LTBP1: variants seen among roughly 807,000 people sequenced by gnomAD.
LTBP1 encodes latent transforming growth factor beta binding protein 1.
In LTBP1, 129 loss-of-function variants were observed where a neutral mutation model predicts 207.6. The ratio of observed to expected loss-of-function variants is 0.62; its 90% CI spans 0.54 to 0.72. The LOEUF (loss-of-function observed/expected upper bound fraction) is 0.72. Among genes scored for constraint, LTBP1 ranks in the 30% least tolerant of loss-of-function variants. The probability of loss-of-function intolerance (pLI) is 0.00; values close to 1 mark genes in which losing one functional copy is unlikely to be tolerated. For missense variants in LTBP1, 2,281 were observed against 2,217.2 expected (o/e 1.03, Z -0.58); for synonymous variants, 963 against 833.7 (o/e 1.16, Z -2.67).
At chr2:33,261,864 A>G (rs982753184) in intron 13 of LTBP1, among the ~76,000 whole-genome samples, 2 of 152,246 alleles carry the variant, frequency 1.3e-5, no homozygotes, top group Non-Finnish European at 2.9e-5. Flanking sequence ...GGAGAAGAGG[A>G]TAAGAGGTTA....
intron 10 of LTBP1, among the ~76,000 whole-genome samples, chr2:33,244,882 A>ATCTG (rs1273909000): frequency 1.3e-5 from 2 of 151,382 alleles, no homozygotes; most frequent in African/African-American, 4.9e-5. Context: ...CTATCTATCT[A>ATCTG]TCTATTTATT....
intron 3 of LTBP1, among the ~76,000 whole-genome samples, chr2:33,060,282 G>T (rs2077200757): frequency 6.6e-6 from 1 of 152,162 alleles, no homozygotes. Context: ...AATGACAGTT[G>T]TGTTATGGAT....
intron 3 of LTBP1, among the ~76,000 whole-genome samples, chr2:33,028,366 A>G (rs554991460): frequency 5.3e-5 from 8 of 152,274 alleles, no homozygotes; most frequent in Admixed American, 5.2e-4. Flanking sequence ...GTCTCATTTA[A>G]TCTCTTCAAA....
chr2:33,201,648 A>C (rs1378975254), intron 7 of LTBP1, among the ~76,000 whole-genome samples: 3 of 151,522 alleles, frequency 2.0e-5, no homozygotes, highest in Non-Finnish European at 4.4e-5. Context: ...AAAAAAGAAG[A>C]AGAAAAAAAA....
chr2:32,984,252 A>T (rs1220114773), intron 2 of LTBP1, among the ~76,000 whole-genome samples: 1 of 152,146 alleles, frequency 6.6e-6, no homozygotes, highest in Non-Finnish European at 1.5e-5. Context: ...ATCTCATTCG[A>T]CTTCTGATAC....
chr2:33,177,000 C>G (rs527444331), intron 5 of LTBP1, among the ~76,000 whole-genome samples: 1 of 152,118 alleles, frequency 6.6e-6, no homozygotes, highest in Non-Finnish European at 1.5e-5. Context: ...GCCATATGAG[C>G]TGGATACAAT....
chr2:33,165,612 T>C (rs2084845162), intron 5 of LTBP1, among the ~76,000 whole-genome samples: 1 of 152,236 alleles, frequency 6.6e-6, no homozygotes, highest in Non-Finnish European at 1.5e-5. Context: ...TGTCTCCCAG[T>C]ATGGGGACCT....
chr2:33,157,007 A>AT (rs1393269865), intron 5 of LTBP1, among the ~76,000 whole-genome samples: 1 of 152,210 alleles, frequency 6.6e-6, no homozygotes, highest in African/African-American at 2.4e-5. Context: ...CAAATGACAG[A>AT]TTTTACACAC....
intron 2 of LTBP1, among the ~76,000 whole-genome samples, chr2:32,990,248 T>C (rs1684202650): frequency 6.6e-6 from 1 of 152,180 alleles, no homozygotes; most frequent in Non-Finnish European, 1.5e-5. Flanking sequence ...GCTCGTAAAC[T>C]CTCTTGTCTA....
At chr2:33,101,951 T>C (rs1291079612) in intron 3 of LTBP1, among the ~76,000 whole-genome samples, 1 of 152,196 alleles carries the variant, frequency 6.6e-6, no homozygotes, top group Non-Finnish European at 1.5e-5. Context: ...GCAGATAGGA[T>C]ATCTGCTTTT....
At chr2:33,111,948 G>A (rs1017395372) in intron 4 of LTBP1, among the ~76,000 whole-genome samples, 4 of 152,162 alleles carry the variant, frequency 2.6e-5, no homozygotes, top group Middle Eastern at 3.4e-3. Flanking sequence ...TTTGATATTC[G>A]TACTTAAAGA....
At chr2:33,349,150 A>G (rs889037701) in intron 26 of LTBP1, among the ~76,000 whole-genome samples, 1 of 152,218 alleles carries the variant, frequency 6.6e-6, no homozygotes, top group African/African-American at 2.4e-5. Flanking sequence ...TTTTTAACTC[A>G]AAGGATATAA....
chr2:32,983,281 C>G (rs534026195), intron 2 of LTBP1, among the ~76,000 whole-genome samples: 1 of 152,170 alleles, frequency 6.6e-6, no homozygotes, highest in Non-Finnish European at 1.5e-5. Flanking sequence ...GCTAATTTCT[C>G]CCATTTGAAA....
At chr2:33,212,016 T>A (rs17012674) in intron 7 of LTBP1, among the ~76,000 whole-genome samples, 12,140 of 152,276 alleles carry the variant, frequency 0.08, 1,094 homozygotes, top group African/African-American at 0.22. Context: ...TACATTACCC[T>A]GCAATCTGTA....
At chr2:33,204,479 C>A (rs1404306278) in intron 7 of LTBP1, among the ~76,000 whole-genome samples, 1 of 152,218 alleles carries the variant, frequency 6.6e-6, no homozygotes, top group Non-Finnish European at 1.5e-5. Context: ...CCAAGATGAT[C>A]ACTTTGCAGA....
intron 25 of LTBP1, 99 bp downstream of exon 25, chr2:33,343,062 GC>G: frequency 7.5e-7 from 1 of 1,330,402 alleles, no homozygotes; most frequent in Admixed American, 2.6e-5. Context: ...TTTGGGTAGA[GC>G]TTTATCGTAA....
chr2:33,023,351 G>A (rs888925332), intron 3 of LTBP1, among the ~76,000 whole-genome samples: 12 of 152,098 alleles, frequency 7.9e-5, no homozygotes, highest in African/African-American at 2.7e-4. Context: ...ACCGTATGTC[G>A]GATGTCAGAT....
At chr2:33,344,587 G>C (rs1168056989) in intron 25 of LTBP1, among the ~76,000 whole-genome samples, 2 of 152,122 alleles carry the variant, frequency 1.3e-5, no homozygotes, top group Non-Finnish European at 2.9e-5. Flanking sequence ...TCATCTTCCA[G>C]ACACCATCCC....
intron 3 of LTBP1, among the ~76,000 whole-genome samples, chr2:33,038,717 A>G (rs2076041729): frequency 6.6e-6 from 1 of 152,228 alleles, no homozygotes; most frequent in Non-Finnish European, 1.5e-5. Context: ...TAGACCATAA[A>G]GTTTCCTGTG....
Sources: gnomAD v4.1 joint callset for allele counts (sites outside exome capture counted in the v4.1 genomes callset) on GRCh38, gnomAD v4.1.1 for gene constraint, MANE v1.5 for transcripts, NCBI Gene and HGNC (gene_info 2026-07-23, HGNC 2026-07-21) for gene names.